Variants in MINDY2 observed in about 807,000 individuals in gnomAD.
MINDY2 encodes the protein MINDY lysine 48 deubiquitinase 2, also known as ubiquitin carboxyl-terminal hydrolase MINDY-2.
In MINDY2, 52 loss-of-function variants were observed where a neutral mutation model predicts 68.2. The ratio of observed to expected loss-of-function variants is 0.76; its 90% CI spans 0.61 to 0.96. The LOEUF is 0.96. MINDY2 is among the 40% of genes least tolerant of loss of function. The pLI is 0.00. For synonymous variants in MINDY2, 372 were observed against 303.0 expected, an observed-to-expected ratio of 1.23 and a Z score of -2.36; for missense variants, 881 against 773.4, an observed-to-expected ratio of 1.14 and a Z score of -1.65.
chr15:58,825,978 G>A (rs1022744121), intron 5 of MINDY2, among the ~76,000 whole-genome samples: 15 of 152,174 alleles, frequency 9.9e-5, no homozygotes, highest in East Asian at 5.8e-4. Context: ...ATATGTATTC[G>A]TTAATTCAAA....
rs2033079286 is a variant in MINDY2, at chr15:58,856,963, G to T, written c.*2353G>T. On this transcript the variant is annotated 3_prime_UTR_variant, in exon 9 of 9. Coordinates refer to ENST00000559228, the MANE Select transcript of MINDY2 (RefSeq NM_001040450.3). ...TGCCATACTGCATTCCCTCTGGAAG[G>T]AAACAAAACAAAACAAAACTCACTC... The T allele has an allele frequency of 6.6e-6, 1 of 152,146 alleles. No homozygotes were observed. The highest frequency in any genetic ancestry group is 2.1e-4 in the South Asian group (1 of 4,834). The allele number at this position is 152,146 out of a possible 1,614,324, so 9.4% of individuals were successfully genotyped here. A position where few individuals can be genotyped will look rare whatever the true frequency, so the allele number is the denominator to read the frequency against.
intron 2 of MINDY2, among the ~76,000 whole-genome samples, chr15:58,790,760 C>G (rs347115): frequency 6.6e-6 from 1 of 151,826 alleles, no homozygotes; most frequent in Non-Finnish European, 1.5e-5. Flanking sequence ...GAGTCAAGGA[C>G]TATCTCATTT....
intron 4 of MINDY2, among the ~76,000 whole-genome samples, chr15:58,816,115 T>C (rs777976397): frequency 6.6e-6 from 1 of 152,234 alleles, no homozygotes; most frequent in Admixed American, 6.5e-5. Flanking sequence ...GCAGCATACA[T>C]GTGTGCATCC....
intron 1 of MINDY2, among the ~76,000 whole-genome samples, chr15:58,780,067 C>T (rs761652425): frequency 6.6e-5 from 10 of 152,134 alleles, no homozygotes; most frequent in South Asian, 2.1e-4. Context: ...TTCTCAACCA[C>T]ATCATGAAAT....
Position 58,802,296 on chromosome 15 carries a change from T to C in MINDY2, c.899-17T>C. The C allele has an allele frequency of 3.6e-6, 1 of 281,606 alleles. No individual in the cohort carries two copies. The highest frequency in any genetic ancestry group is 5.6e-6 in the Non-Finnish European group (1 of 177,000). The allele number at this position is 281,606 out of a possible 1,614,324, so 17.4% of individuals were successfully genotyped here. ...TTTTTAAAAGGCAATTTTACAATTC[T>C]TTTTTTTTTTTTACAGGAGATTACA... On this transcript the variant is annotated splice_polypyrimidine_tract_variant and intron_variant, in intron 2 of 8. Coordinates refer to ENST00000559228, the MANE Select transcript of MINDY2 (RefSeq NM_001040450.3).
chr15:58,853,694 C>A, intron 8 of MINDY2, among the ~76,000 whole-genome samples: 1 of 151,528 alleles, frequency 6.6e-6, no homozygotes. Context: ...GTGGCGTGCA[C>A]CTGTAGTCCC....
chr15:58,800,569 T>A lies in MINDY2; in HGVS notation c.899-1744T>A, dbSNP rs570131446. On this transcript the variant is annotated intron_variant, in intron 2 of 8. Coordinates refer to ENST00000559228, the MANE Select transcript of MINDY2 (RefSeq NM_001040450.3). ...GCTGTTCGTGTGACATGATCTTTCTTATATGTGCTTTCTCCATTCATTCTT... is the reference window on the plus strand; with the variant it reads ...GCTGTTCGTGTGACATGATCTTTCTAATATGTGCTTTCTCCATTCATTCTT... Among the ~76,000 whole-genome samples, 9 of 152,306 alleles carry A rather than the reference T, an allele frequency of 5.9e-5. No individual in the cohort carries two copies. In the East Asian group the frequency reaches 1.5e-3, roughly 26 times the overall value.
intron 2 of MINDY2, among the ~76,000 whole-genome samples, chr15:58,791,226 T>TATATATATATATAC (rs1901882128): frequency 1.4e-4 from 3 of 21,490 alleles, no homozygotes; most frequent in African/African-American, 8.3e-4. Context: ...TATATATATA[T>TATATATATATATAC]ATATATATAT....
chr15:58,834,840 G>A (rs535844495), intron 6 of MINDY2, among the ~76,000 whole-genome samples: 1 of 152,230 alleles, frequency 6.6e-6, no homozygotes, highest in South Asian at 2.1e-4. Flanking sequence ...CCTTAAAGCC[G>A]TTGCTCTCCC....
chr15:58,860,219 T>G lies in MINDY2; in HGVS notation c.*5609T>G, dbSNP rs1235338789. On this transcript the variant is annotated 3_prime_UTR_variant, in exon 9 of 9. Coordinates refer to ENST00000559228, the MANE Select transcript of MINDY2 (RefSeq NM_001040450.3). ...TTAGAGAAGGACAAAACAAAATGTT[T>G]TGGAAGGTGATCCTGGCTCCTTTGG... 1.3e-5 allele frequency: 2 copies of G among 152,184 alleles called. No individual in the cohort carries two copies. The highest frequency in any genetic ancestry group is 6.5e-5 in the Admixed American group (1 of 15,268). The allele number at this position is 152,184 out of a possible 1,614,324, so 9.4% of individuals were successfully genotyped here.
chr15:58,834,471 T>A (rs2031898796), intron 6 of MINDY2, among the ~76,000 whole-genome samples: 2 of 152,176 alleles, frequency 1.3e-5, no homozygotes, highest in Non-Finnish European at 1.5e-5. Context: ...TATGGGAGGC[T>A]TTTTTAAAAC....
chr15:58,803,945 GAAAA>G (rs34082956), intron 3 of MINDY2, among the ~76,000 whole-genome samples: 1 of 77,238 alleles, frequency 1.3e-5, no homozygotes, highest in Non-Finnish European at 2.4e-5. Context: ...CAGCTCTACT[GAAAA>G]AAAAAAAAAA....
At chr15:58,803,024 C>T (rs546551657) in intron 3 of MINDY2, among the ~76,000 whole-genome samples, 2 of 152,328 alleles carry the variant, frequency 1.3e-5, no homozygotes, top group East Asian at 1.9e-4. Context: ...AAAGAGACAT[C>T]GTTGGAACCT....
chr15:58,785,788 T>G (rs1036264260), intron 1 of MINDY2, among the ~76,000 whole-genome samples: 2 of 152,256 alleles, frequency 1.3e-5, no homozygotes, highest in East Asian at 1.9e-4. Context: ...GCAATTCTCC[T>G]GCCTCAGTCT....
At chr15:58,787,804 G>T in intron 1 of MINDY2, 102 bp from the exon 2 acceptor site, 5 of 596,310 alleles carry the variant, frequency 8.4e-6, no homozygotes, top group Non-Finnish European at 1.4e-5. Flanking sequence ...TATAAGTATA[G>T]TAGATACATA....
chr15:58,832,701 GTTTTTA>G (rs2031799538), intron 6 of MINDY2, among the ~76,000 whole-genome samples: 1 of 143,724 alleles, frequency 7.0e-6, no homozygotes, highest in East Asian at 2.1e-4. Flanking sequence ...CTAATTTTGT[GTTTTTA>G]GTAGAGACAG....
At chr15:58,814,130 G>A (rs1172925886) in intron 4 of MINDY2, among the ~76,000 whole-genome samples, 1 of 151,866 alleles carries the variant, frequency 6.6e-6, no homozygotes, top group African/African-American at 2.4e-5. Flanking sequence ...AGTAGAGACA[G>A]GGTTTCACCA....
intron 3 of MINDY2, among the ~76,000 whole-genome samples, chr15:58,802,732 AT>A (rs1358363637): frequency 6.6e-6 from 1 of 151,720 alleles, no homozygotes; most frequent in East Asian, 1.9e-4. Flanking sequence ...TTTTATTTAT[AT>A]TTTACAATTA....
At chr15:58,850,178 C>G (rs1037351257) in intron 7 of MINDY2, among the ~76,000 whole-genome samples, 2 of 152,126 alleles carry the variant, frequency 1.3e-5, no homozygotes, top group Admixed American at 1.3e-4. Flanking sequence ...TAATGCTTGA[C>G]CAAAATGCAC....
Sources: allele counts gnomAD v4.1 joint callset (sites outside exome capture counted in the v4.1 genomes callset), GRCh38; gene constraint gnomAD v4.1.1; transcripts MANE v1.5; gene names NCBI Gene and HGNC (gene_info 2026-07-23, HGNC 2026-07-21).